The following CPNE4 variants were observed in gnomAD, a reference collection of about 807,000 sequenced individuals.
CPNE4 encodes the protein copine 4.
In CPNE4, 25 loss-of-function variants were observed where a neutral mutation model predicts 67.9. The observed-to-expected ratio is 0.37, with a 90% CI of 0.27 to 0.51. The LOEUF (loss-of-function observed/expected upper bound fraction) is 0.51, where lower values mean the gene tolerates loss of function less well. Among genes scored for constraint, CPNE4 ranks in the 20% least tolerant of loss-of-function variants. The pLI, the probability that CPNE4 is intolerant of heterozygous loss-of-function variation, is 0.93. For synonymous variants in CPNE4, 242 were observed against 244.9 expected (o/e 0.99, Z 0.11); for missense variants, 464 against 690.8 (o/e 0.67, Z 3.68).
intron 3 of CPNE4, among the ~76,000 whole-genome samples, chr3:131,713,943 G>A (rs574385801): frequency 5.9e-5 from 9 of 152,066 alleles, no homozygotes; most frequent in Admixed American, 1.3e-4. Flanking sequence ...TCTAGTCCAC[G>A]GGAGCTGAGA....
intron 1 of CPNE4, among the ~76,000 whole-genome samples, chr3:132,025,831 A>G (rs879435907): frequency 6.6e-6 from 1 of 152,226 alleles, no homozygotes; most frequent in Non-Finnish European, 1.5e-5. Flanking sequence ...AATTTATGCC[A>G]TTCACCAATA....
At chr3:131,566,814 G>A (rs1380074690) in intron 10 of CPNE4, among the ~76,000 whole-genome samples, 1 of 151,940 alleles carries the variant, frequency 6.6e-6, no homozygotes, top group East Asian at 1.9e-4. Flanking sequence ...ATGCTGGGAA[G>A]GCCAGATGTA....
chr3:131,882,141 C>CAT (rs536632972), intron 2 of CPNE4, among the ~76,000 whole-genome samples: 1 of 65,950 alleles, frequency 1.5e-5, no homozygotes, highest in Non-Finnish European at 2.7e-5. Context: ...TTCTAATACA[C>CAT]ACACACACAC....
intron 2 of CPNE4, among the ~76,000 whole-genome samples, chr3:131,774,346 A>G (rs2083244288): frequency 6.6e-6 from 1 of 152,186 alleles, no homozygotes; most frequent in East Asian, 1.9e-4. Flanking sequence ...TAAGAAAAAA[A>G]AAAAAGGACC....
chr3:132,006,473 T>C (rs752351749), intron 1 of CPNE4, among the ~76,000 whole-genome samples: 1 of 152,176 alleles, frequency 6.6e-6, no homozygotes, highest in East Asian at 1.9e-4. Flanking sequence ...TCTCTAAGTA[T>C]CTACAGACTG....
rs74469590 is a variant in CPNE4, at chr3:131,693,432, A to G, written c.507+3110T>C. Among the ~76,000 whole-genome samples the G allele has an allele frequency of 5.3e-4, 80 of 151,720 alleles. No homozygotes were observed. In the East Asian group the frequency reaches 0.014, roughly 26 times the overall value. ...AGTATTTTAATGGAAAAATTATTAT[A>G]ATTATATTTTCCAAACTTAAAAAAT... On this transcript the variant is annotated intron_variant, in intron 5 of 15. Coordinates refer to ENST00000429747, the MANE Select transcript of CPNE4 (RefSeq NM_130808.3).
At chr3:131,884,025 C>G (rs1400200261) in intron 2 of CPNE4, among the ~76,000 whole-genome samples, 2 of 152,204 alleles carry the variant, frequency 1.3e-5, no homozygotes, top group Non-Finnish European at 2.9e-5. Context: ...CTATCATTCA[C>G]TACCCCATTT....
intron 1 of CPNE4, among the ~76,000 whole-genome samples, chr3:132,025,550 T>C (rs2074099088): frequency 6.6e-6 from 1 of 152,212 alleles, no homozygotes; most frequent in African/African-American, 2.4e-5. Flanking sequence ...ATATCTACCA[T>C]ACCTTCATAA....
At chr3:131,702,541 A>G (rs1351308342) in intron 3 of CPNE4, among the ~76,000 whole-genome samples, 2 of 152,226 alleles carry the variant, frequency 1.3e-5, no homozygotes, top group Non-Finnish European at 2.9e-5. Flanking sequence ...GGTCTCAGAA[A>G]TACTAATGTC....
intron 1 of CPNE4, among the ~76,000 whole-genome samples, chr3:131,914,476 G>C (rs939949411): frequency 2.6e-5 from 4 of 151,940 alleles, no homozygotes; most frequent in African/African-American, 9.7e-5. Flanking sequence ...ATTTCACAGA[G>C]AGTCCTTTAT....
intron 1 of CPNE4, among the ~76,000 whole-genome samples, chr3:131,917,719 C>T (rs570828104): frequency 6.6e-6 from 1 of 152,276 alleles, no homozygotes; most frequent in South Asian, 2.1e-4. Flanking sequence ...TCTCCACTAG[C>T]ACAGAGAAAC....
At chr3:131,721,399 T>TTC (rs1553759615) in intron 3 of CPNE4, among the ~76,000 whole-genome samples, 3 of 1,870 alleles carry the variant, frequency 1.6e-3, no homozygotes, top group African/African-American at 0.013. Context: ...CGGATCTACC[T>TTC]TTTTTTTTTT....
chr3:131,953,239 TA>T (rs1167094357), intron 1 of CPNE4, among the ~76,000 whole-genome samples: 4,954 of 95,966 alleles, frequency 0.052, 91 homozygotes, highest in Admixed American at 0.095. Context: ...AATGATCAAT[TA>T]AAAAAAAAAA....
chr3:131,600,321 A>G (rs6799539), intron 7 of CPNE4, among the ~76,000 whole-genome samples: 20,158 of 152,026 alleles, frequency 0.13, 1,907 homozygotes, highest in African/African-American at 0.26. Flanking sequence ...AGGAGATGAT[A>G]CATAGGAGAA....
intron 1 of CPNE4, among the ~76,000 whole-genome samples, chr3:131,999,241 T>TAAAAAAAACAAAAAAAAAAAAAA (rs2073368047): frequency 1.0e-5 from 1 of 98,834 alleles, no homozygotes; most frequent in Non-Finnish European, 1.9e-5. Context: ...TTATCCAAGG[T>TAAAAAAAACAAAAAAAAAAAAAA]AAAAAAAAAA....
At chr3:131,677,825 G>A (rs1217933097) in intron 6 of CPNE4, among the ~76,000 whole-genome samples, 1 of 152,116 alleles carries the variant, frequency 6.6e-6, no homozygotes, top group Non-Finnish European at 1.5e-5. Flanking sequence ...TGCTGTTTTG[G>A]TGACTGTAGC....
intron 7 of CPNE4, among the ~76,000 whole-genome samples, chr3:131,667,600 C>G (rs13082985): frequency 4.6e-4 from 69 of 151,286 alleles, no homozygotes; most frequent in African/African-American, 1.5e-3. Flanking sequence ...TTCTCTCCCC[C>G]CTCCCTTCCT....
chr3:131,542,587 G>GAC lies in CPNE4; in HGVS notation c.1507_1508dup (p.Gln504SerfsTer53). On this transcript the variant is annotated frameshift_variant, in exon 15 of 16. Coordinates refer to ENST00000429747, the MANE Select transcript of CPNE4 (RefSeq NM_130808.3). LOFTEE classifies it high-confidence loss of function. ...TGAAGTTCCTGAAGGGCACGAACTG[G>GAC]ACGATGTCTCGAAGAACAGGCTCTC... is the stretch of plus-strand genomic sequence containing the variant. The GAC allele has an allele frequency of 6.2e-7, 1 of 1,614,048 alleles. No homozygotes were observed. Among genetic ancestry groups the GAC allele is most frequent in the Non-Finnish European group, 8.5e-7 (1 of 1,179,930 alleles).
At chr3:131,948,814 G>C (rs2107879603) in intron 1 of CPNE4, among the ~76,000 whole-genome samples, 1 of 152,276 alleles carries the variant, frequency 6.6e-6, no homozygotes, top group South Asian at 2.1e-4. Flanking sequence ...CCCCCAATCT[G>C]CTGATATGCT....
Sources: allele counts gnomAD v4.1 joint callset (sites outside exome capture counted in the v4.1 genomes callset), GRCh38; gene constraint gnomAD v4.1.1; transcripts MANE v1.5; gene names NCBI Gene and HGNC (gene_info 2026-07-23, HGNC 2026-07-21).